ENOX1: variants seen among roughly 807,000 people sequenced by gnomAD.
ENOX1 encodes the protein candidate growth-related and time keeping constitutive hydroquinone (NADH) oxidase.
ENOX1 carries 42 observed loss-of-function variants against 82.5 expected under a neutral mutation model. That is an observed-to-expected ratio of 0.51 (90% CI 0.40 to 0.66). The LOEUF (loss-of-function observed/expected upper bound fraction) is 0.66, where lower values mean the gene tolerates loss of function less well. ENOX1 is among the 30% of genes least tolerant of loss of function. The pLI is 0.00. For synonymous variants in ENOX1, 271 were observed against 282.2 expected, an observed-to-expected ratio of 0.96 and a Z score of 0.40; for missense variants, 608 against 811.6, an observed-to-expected ratio of 0.75 and a Z score of 3.05.
intron 1 of ENOX1, among the ~76,000 whole-genome samples, chr13:43,753,858 C>T (rs917683084): frequency 6.4e-5 from 9 of 141,376 alleles, no homozygotes; most frequent in African/African-American, 1.8e-4. Flanking sequence ...CGTCACCTTT[C>T]TTTTGGTCTT....
intron 2 of ENOX1, among the ~76,000 whole-genome samples, chr13:43,599,864 A>G (rs935208024): frequency 2.0e-5 from 3 of 151,782 alleles, no homozygotes; most frequent in Non-Finnish European, 4.4e-5. Flanking sequence ...ACAGTAGACA[A>G]GGGCACCAGG....
At chr13:43,745,274 TA>T (rs1387899343) in intron 1 of ENOX1, among the ~76,000 whole-genome samples, 7 of 152,168 alleles carry the variant, frequency 4.6e-5, no homozygotes, top group African/African-American at 1.7e-4. Context: ...AATATAAAAT[TA>T]CACTTCCATT....
In ENOX1 at chr13:43,777,688, G is replaced by A. The variant is rs565144776; in HGVS notation, c.-285+8964C>T. Among the ~76,000 whole-genome samples the A allele has an allele frequency of 1.3e-4, 20 of 151,700 alleles. No homozygotes were observed. In the East Asian group the frequency reaches 2.5e-3, roughly 19 times the overall value. On this transcript the variant is annotated intron_variant, in intron 1 of 16. Coordinates refer to ENST00000690772, the MANE Select transcript of ENOX1 (RefSeq NM_001347969.2). ...CCCCCAGGTAGCTGGGATTACAGGC[G>A]CCCACCACTATGCCTGGCTAATTTT...
intron 12 of ENOX1, among the ~76,000 whole-genome samples, chr13:43,275,137 C>T (rs1007188513): frequency 6.6e-6 from 1 of 152,298 alleles, no homozygotes; most frequent in South Asian, 2.1e-4. Flanking sequence ...CTCCTAGCAA[C>T]GACTTCTATC....
At chr13:43,746,862 A>G (rs901942185) in intron 1 of ENOX1, among the ~76,000 whole-genome samples, 1 of 152,118 alleles carries the variant, frequency 6.6e-6, no homozygotes, top group African/African-American at 2.4e-5. Context: ...CCTGAAATCC[A>G]CTTTCTTGTT....
intron 2 of ENOX1, among the ~76,000 whole-genome samples, chr13:43,508,700 T>C (rs1020165062): frequency 1.3e-5 from 2 of 152,000 alleles, no homozygotes; most frequent in African/African-American, 4.8e-5. Flanking sequence ...ACAGATAATA[T>C]TGAAATTTTA....
chr13:43,417,937 G>T lies in ENOX1; in HGVS notation c.-74-4949C>A, dbSNP rs564591076. ...AAATTATATGAGGTAGGCCAGGTGC[G>T]GTGACTCACACCTGTAATCCCAGCA... On this transcript the variant is annotated intron_variant, in intron 3 of 16. Transcript: ENST00000690772. Among the ~76,000 whole-genome samples, 81 of 152,262 alleles carry T rather than the reference G, an allele frequency of 5.3e-4. No homozygotes were observed. The East Asian group carries it at 0.015, about 29-fold the overall frequency.
At chr13:43,565,044 GA>G (rs766938790) in intron 2 of ENOX1, among the ~76,000 whole-genome samples, 3 of 152,116 alleles carry the variant, frequency 2.0e-5, no homozygotes, top group Non-Finnish European at 4.4e-5. Context: ...AGAAGCAATG[GA>G]TACAGAGCAT....
At chr13:43,591,099 T>C (rs2081227372) in intron 2 of ENOX1, among the ~76,000 whole-genome samples, 1 of 152,208 alleles carries the variant, frequency 6.6e-6, no homozygotes, top group African/African-American at 2.4e-5. Context: ...AAGATACACA[T>C]ACCCATTGGC....
intron 2 of ENOX1, among the ~76,000 whole-genome samples, chr13:43,488,043 C>G (rs1324211712): frequency 6.6e-6 from 1 of 152,186 alleles, no homozygotes; most frequent in Non-Finnish European, 1.5e-5. Flanking sequence ...CTACTTTGTC[C>G]TTGCCAGACC....
intron 2 of ENOX1, among the ~76,000 whole-genome samples, chr13:43,629,553 G>A (rs935287562): frequency 4.6e-5 from 7 of 152,116 alleles, no homozygotes; most frequent in Non-Finnish European, 1.0e-4. Context: ...TTTAGTGGGA[G>A]GAATAGGAAA....
chr13:43,606,563 T>G (rs72623325), intron 2 of ENOX1, among the ~76,000 whole-genome samples: 3 of 152,102 alleles, frequency 2.0e-5, no homozygotes, highest in East Asian at 3.9e-4. Context: ...AAACTTCTCA[T>G]GTTCTTACTT....
intron 1 of ENOX1, among the ~76,000 whole-genome samples, chr13:43,720,878 G>A (rs2088525723): frequency 6.6e-6 from 1 of 152,156 alleles, no homozygotes; most frequent in Non-Finnish European, 1.5e-5. Context: ...AGTAAAGAGG[G>A]ACACTGACAA....
At chr13:43,291,304 G>A (rs2045986124) in intron 12 of ENOX1, among the ~76,000 whole-genome samples, 2 of 152,216 alleles carry the variant, frequency 1.3e-5, no homozygotes, top group Admixed American at 6.5e-5. Flanking sequence ...GGGCTTAGGC[G>A]TGCCCTGCTC....
At chr13:43,309,999 C>T (rs908534921) in intron 11 of ENOX1, among the ~76,000 whole-genome samples, 11 of 151,848 alleles carry the variant, frequency 7.2e-5, no homozygotes, top group African/African-American at 1.5e-4. Context: ...GTCAGGAGAT[C>T]GAGACCATCC....
At chr13:43,614,220 T>C (rs2082312778) in intron 2 of ENOX1, among the ~76,000 whole-genome samples, 2 of 152,170 alleles carry the variant, frequency 1.3e-5, no homozygotes, top group Admixed American at 6.5e-5. Context: ...AGGGTTACTA[T>C]GGGAAGACTC....
At chr13:43,460,806 AAAAAAAAAAAAAAAAAAAAAAAAAT>A (rs796124023) in intron 3 of ENOX1, among the ~76,000 whole-genome samples, 1,241 of 38,044 alleles carry the variant, frequency 0.033, 87 homozygotes, top group African/African-American at 0.089. Context: ...AAAAAAAAAA[AAAAAAAAAAAAAAAAAAAAAAAAAT>A]AGGGATAGCT....
chr13:43,308,865 ATTGT>A (rs1317502559), intron 11 of ENOX1, among the ~76,000 whole-genome samples: 3 of 152,200 alleles, frequency 2.0e-5, no homozygotes, highest in Admixed American at 6.5e-5. Context: ...GAATCCCTTA[ATTGT>A]TTATTTCTCA....
chr13:43,617,006 T>C (rs1332321707), intron 2 of ENOX1, among the ~76,000 whole-genome samples: 2 of 152,146 alleles, frequency 1.3e-5, no homozygotes, highest in African/African-American at 4.8e-5. Context: ...TATTTCAAAC[T>C]ATTTAGGTAA....
Sources: allele counts gnomAD v4.1 joint callset (sites outside exome capture counted in the v4.1 genomes callset), GRCh38; gene constraint gnomAD v4.1.1; transcripts MANE v1.5; gene names NCBI Gene and HGNC (gene_info 2026-07-23, HGNC 2026-07-21).